Variants in SORCS2 observed in about 807,000 individuals in gnomAD.
SORCS2 encodes sortilin related VPS10 domain containing receptor 2, also known as VPS10 domain-containing receptor SorCS2.
SORCS2 carries 100 observed loss-of-function variants against 141.6 expected under a neutral mutation model. The observed-to-expected ratio is 0.71, with a 90% CI of 0.60 to 0.83. The LOEUF is 0.83. Ranked by LOEUF, SORCS2 falls within the 40% of genes least tolerant of loss-of-function variation. The pLI is 0.00. For synonymous variants in SORCS2, 789 were observed against 676.9 expected (o/e 1.17, Z -2.57); for missense variants, 1,646 against 1,560.2 (o/e 1.05, Z -0.93).
At chr4:7,644,197 A>C (rs1433567471) in intron 4 of SORCS2, among the ~76,000 whole-genome samples, 1 of 152,190 alleles carries the variant, frequency 6.6e-6, no homozygotes, top group Non-Finnish European at 1.5e-5. Context: ...ACCTCTGCCC[A>C]TCAGGAAGGT....
In SORCS2 at chr4:7,473,927, C is replaced by G. The variant is rs114610500; in HGVS notation, c.549-57603C>G. Among the ~76,000 whole-genome samples the G allele has an allele frequency of 8.8e-3, 1,344 of 152,304 alleles. 15 individuals are homozygous for G. Among genetic ancestry groups the G allele is most frequent in the African/African-American group, 0.031 (1,286 of 41,566 alleles). ...TGCACACAGCAGCCAGAGGGTGTTT[C>G]AAAAGTAGCTCATTGGTGATGTCGT... On this transcript the variant is annotated intron_variant, in intron 2 of 26. Coordinates refer to ENST00000507866, the MANE Select transcript of SORCS2 (RefSeq NM_020777.3).
chr4:7,708,637 G>A (rs748952063), intron 14 of SORCS2, among the ~76,000 whole-genome samples: 19 of 152,258 alleles, frequency 1.2e-4, no homozygotes, highest in African/African-American at 2.9e-4. Context: ...TCCTCCCTCC[G>A]TCTTTACCAA....
At chr4:7,451,868 T>A (rs552031965) in intron 2 of SORCS2, among the ~76,000 whole-genome samples, 8 of 152,090 alleles carry the variant, frequency 5.3e-5, no homozygotes, top group Non-Finnish European at 1.2e-4. Flanking sequence ...CAAGGCTGGG[T>A]CTGAACATTC....
rs749336649 is a variant in SORCS2, at chr4:7,734,309, G to A, written c.3246G>A (p.Ala1082=). The change falls in exon 25 of 27, where the codon GCG becomes GCA. Residue 1082 remains alanine (A), a synonymous_variant. Coordinates refer to ENST00000507866, the MANE Select transcript of SORCS2 (RefSeq NM_020777.3). ...TGGGCGGCGGTGGCGGCTACTGGGC[G>A]GTAGTGGTGCTGTTTGTCATCGGGC... ...EQLGGGGGYW[A]VVVLFVIGLF... is the part of the protein sequence containing the mutation. 49 of 1,603,018 alleles carry A rather than the reference G, an allele frequency of 3.1e-5. No individual in the cohort carries two copies. The highest frequency in any genetic ancestry group is 2.7e-4 in the East Asian group (12 of 44,460).
chr4:7,252,885 C>T (rs556086434), intron 1 of SORCS2, among the ~76,000 whole-genome samples: 2 of 152,356 alleles, frequency 1.3e-5, no homozygotes, highest in South Asian at 4.1e-4. Context: ...AAAATTGAAA[C>T]TGTCGAATGG....
chr4:7,633,382 C>CCGT (rs1036534830), intron 3 of SORCS2, among the ~76,000 whole-genome samples: 4 of 152,170 alleles, frequency 2.6e-5, no homozygotes, highest in African/African-American at 9.7e-5. Context: ...GCCTGAAGCC[C>CCGT]CGTCCCCCAG....
rs1053357481 is a variant in SORCS2 at position 7,424,891 on chromosome 4, C to T, written c.548+28536C>T. Among the ~76,000 whole-genome samples, 5 of 152,338 alleles carry T rather than the reference C, an allele frequency of 3.3e-5. No individual in the cohort carries two copies. The South Asian group carries it at 6.2e-4, about 19-fold the overall frequency. On this transcript the variant is annotated intron_variant, in intron 2 of 26. Coordinates refer to ENST00000507866, the MANE Select transcript of SORCS2 (RefSeq NM_020777.3). ...GAGGGACATTGGACCACACAGTGCC[C>T]GGCACCACCTCCCGAGGGGCAGGCA...
rs1231930681 is a variant in SORCS2, at chr4:7,286,598, C to T, written c.480+93472C>T. Among the ~76,000 whole-genome samples the T allele has an allele frequency of 6.6e-6, 1 of 152,172 alleles. No individual in the cohort carries two copies. Among genetic ancestry groups the T allele is most frequent in the African/African-American group, 2.4e-5 (1 of 41,430 alleles). ...GGTCCCATTCGGTCCCAGGCCAGCC[C>T]CCCGTATCTTACGGATGGAGGACAC... On this transcript the variant is annotated intron_variant, in intron 1 of 26. Transcript: ENST00000507866. This position sits in a 1 kb window ranked among gnomAD's most constrained non-coding sequence, Gnocchi z 4.1.
At chr4:7,270,804 C>G (rs1395817900) in intron 1 of SORCS2, among the ~76,000 whole-genome samples, 1 of 152,212 alleles carries the variant, frequency 6.6e-6, no homozygotes, top group Non-Finnish European at 1.5e-5. Context: ...AAGAAAAACA[C>G]TTTATTTTTC....
Position 7,664,276 on chromosome 4 carries a change from G to T in SORCS2, c.953-77G>T. The T allele has an allele frequency of 2.6e-6, 3 of 1,153,082 alleles. No individual in the cohort carries two copies. The highest frequency in any genetic ancestry group is 3.8e-6 in the Non-Finnish European group (3 of 795,188). 71.4% of individuals were successfully genotyped at this position (1,153,082 alleles called of 1,614,324 possible). A position where few individuals can be genotyped will look rare whatever the true frequency, so the allele number is the denominator to read the frequency against. ...ACCACAGCGGTATTGGAGGAAGATG[G>T]AGTCCAGCACATGTCTCGGGCCGTC... On this transcript the variant is annotated intron_variant, in intron 6 of 26. Transcript: ENST00000507866. This position sits in a 1 kb window ranked among gnomAD's most constrained non-coding sequence, Gnocchi z 4.7.
intron 1 of SORCS2, among the ~76,000 whole-genome samples, chr4:7,298,675 T>C (rs982167102): frequency 6.6e-6 from 1 of 152,040 alleles, no homozygotes; most frequent in South Asian, 2.1e-4. Flanking sequence ...GCTGGTGTCA[T>C]GGAGGAGGAG....
At chr4:7,373,478 A>ATATATATATATATATATATATATT (rs1470691140) in intron 1 of SORCS2, among the ~76,000 whole-genome samples, 1 of 36,818 alleles carries the variant, frequency 2.7e-5, no homozygotes, top group Non-Finnish European at 4.1e-5. Context: ...ATATATATAT[A>ATATATATATATATATATATATATT]TTTTTTTTTT....
chr4:7,531,936 G>C (rs575239336), intron 3 of SORCS2, among the ~76,000 whole-genome samples: 1 of 152,396 alleles, frequency 6.6e-6, no homozygotes, highest in African/African-American at 2.4e-5. Flanking sequence ...TGTGGGCCTG[G>C]AAGCAGAGAC....
chr4:7,695,664 A>G (rs868338422), intron 11 of SORCS2, among the ~76,000 whole-genome samples: 237 of 8,142 alleles, frequency 0.029, 16 homozygotes, highest in Middle Eastern at 0.071. Context: ...GGATGGATGG[A>G]TGGATGGATG....
intron 2 of SORCS2, among the ~76,000 whole-genome samples, chr4:7,414,591 T>A (rs1410846766): frequency 6.6e-6 from 1 of 152,080 alleles, no homozygotes; most frequent in Non-Finnish European, 1.5e-5. Flanking sequence ...CTTTTATACC[T>A]AGGTTTAGGA....
intron 1 of SORCS2, among the ~76,000 whole-genome samples, chr4:7,328,165 A>G (rs2108960646): frequency 6.7e-6 from 1 of 149,704 alleles, no homozygotes; most frequent in South Asian, 2.1e-4. Flanking sequence ...AGCTGGGATT[A>G]CAGGCACCCA....
chr4:7,286,347 G>A lies in SORCS2; in HGVS notation c.480+93221G>A, dbSNP rs1273250651. Among the ~76,000 whole-genome samples, 2 of 152,220 alleles carry A rather than the reference G, an allele frequency of 1.3e-5. No homozygotes were observed. Among genetic ancestry groups the A allele is most frequent in the Non-Finnish European group, 2.9e-5 (2 of 68,038 alleles). On this transcript the variant is annotated intron_variant, in intron 1 of 26. Coordinates refer to ENST00000507866, the MANE Select transcript of SORCS2 (RefSeq NM_020777.3). This position sits in a 1 kb window ranked among gnomAD's most constrained non-coding sequence, Gnocchi z 4.1. The stretch of plus-strand genomic sequence containing the variant: ...GTTGTGGGAGCAGCGGAAGAGCCTG[G>A]GGTGGCTCTGGGGCTGGGTTGGGGA...
At chr4:7,446,239 G>C (rs902653926) in intron 2 of SORCS2, among the ~76,000 whole-genome samples, 2 of 152,122 alleles carry the variant, frequency 1.3e-5, no homozygotes, top group Non-Finnish European at 2.9e-5. Context: ...GCATCAGTAA[G>C]CCTCTGATGT....
intron 1 of SORCS2, among the ~76,000 whole-genome samples, chr4:7,213,198 G>A (rs1240334399): frequency 2.6e-5 from 4 of 152,238 alleles, no homozygotes; most frequent in African/African-American, 7.2e-5. Context: ...CTGGCATGTG[G>A]TCCCACCGCC....
Sources: gnomAD v4.1 joint callset for allele counts (sites outside exome capture counted in the v4.1 genomes callset) on GRCh38, gnomAD v4.1.1 for gene constraint, Gnocchi (gnomAD v3.1) non-coding constraint, MANE v1.5 for transcripts, NCBI Gene and HGNC (gene_info 2026-07-23, HGNC 2026-07-21) for gene names.